The following OGDH variants were observed in gnomAD, a reference collection of about 807,000 sequenced individuals.
The protein encoded by OGDH is oxoglutarate dehydrogenase.
Under a neutral mutation model 116.6 loss-of-function variants are expected in OGDH, and 38 were observed. The ratio of observed to expected loss-of-function variants is 0.33; its 90% CI spans 0.25 to 0.43. The LOEUF (loss-of-function observed/expected upper bound fraction) is 0.43. Among genes scored for constraint, OGDH ranks in the 20% least tolerant of loss-of-function variants. The probability of loss-of-function intolerance (pLI) is 1.00; values close to 1 mark genes in which losing one functional copy is unlikely to be tolerated. For synonymous variants in OGDH, 488 were observed against 533.3 expected, an observed-to-expected ratio of 0.92 and a Z score of 1.17; for missense variants, 825 against 1,357.2, an observed-to-expected ratio of 0.61 and a Z score of 6.16.
At chr7:44,677,245 GT>G (rs1279097834) in intron 9 of OGDH, among the ~76,000 whole-genome samples, 86 of 152,108 alleles carry the variant, frequency 5.7e-4, no homozygotes, top group Admixed American at 5.6e-3. Flanking sequence ...AGAGCCTCCT[GT>G]TCTTTTTAGA....
intron 3 of OGDH, among the ~76,000 whole-genome samples, chr7:44,645,855 C>T (rs973872809): frequency 6.6e-6 from 1 of 152,144 alleles, no homozygotes; most frequent in Non-Finnish European, 1.5e-5. Context: ...TGCCAGTGAG[C>T]AGTGACTGGG....
chr7:44,667,794 A>C (rs1201282954), intron 5 of OGDH, among the ~76,000 whole-genome samples: 1 of 152,200 alleles, frequency 6.6e-6, no homozygotes, highest in Non-Finnish European at 1.5e-5. Context: ...TCAGAGCTAA[A>C]GGATCGAGGT....
intron 2 of OGDH, among the ~76,000 whole-genome samples, chr7:44,642,934 A>AT (rs1562634058): frequency 1.1e-3 from 161 of 151,770 alleles, no homozygotes; most frequent in African/African-American, 3.6e-3. Flanking sequence ...AAAAAAAAAA[A>AT]ATTTTTAAAT....
intron 1 of OGDH, among the ~76,000 whole-genome samples, chr7:44,609,176 C>T (rs1488156102): frequency 1.3e-5 from 2 of 151,848 alleles, no homozygotes; most frequent in Admixed American, 6.6e-5. Flanking sequence ...AGCTTAATTC[C>T]CTGGAGAATC....
intron 5 of OGDH, among the ~76,000 whole-genome samples, chr7:44,669,150 T>TTTTTTTTTTTTTTTTTTTTC (rs1787317996): frequency 7.3e-6 from 1 of 136,186 alleles, no homozygotes; most frequent in Non-Finnish European, 1.5e-5. Context: ...GGCAGCTTTT[T>TTTTTTTTTTTTTTTTTTTTC]TTTTTTTTTT....
rs937687146 is a variant in OGDH at position 44,697,314 on chromosome 7, C to A, written c.2052-56C>A. On this transcript the variant is annotated intron_variant, in intron 15 of 22. Coordinates refer to ENST00000222673, the MANE Select transcript of OGDH (RefSeq NM_002541.4). The surrounding 1 kb of genome is among the most constrained non-coding windows in gnomAD (Gnocchi z 6.0). ...GCTGGTGCTTCGTGCGGGTCCCCAG[C>A]GTATTTGCTTGTCAAGTCAGAGCTC... 1 of 1,607,490 alleles carries A rather than the reference C, an allele frequency of 6.2e-7. No homozygotes were observed. The highest frequency in any genetic ancestry group is 2.2e-5 in the East Asian group (1 of 44,760).
At position 44,707,727 on chromosome 7, in the gene OGDH, A is replaced by T; in HGVS notation, c.2942A>T (p.Lys981Met). The T allele has an allele frequency of 6.2e-7, 1 of 1,614,130 alleles. No homozygotes were observed. The highest frequency in any genetic ancestry group is 1.3e-5 in the African/African-American group (1 of 75,034). ...PRLRTTISRA[K>M]PVWYAGRDPA... ...CTTCGGACCACCATCAGCCGCGCCAAGCCCGTCTGGTAAGGCTTCAGTCCC... is the reference window on the plus strand; with the variant it reads ...CTTCGGACCACCATCAGCCGCGCCATGCCCGTCTGGTAAGGCTTCAGTCCC... The change falls in exon 22 of 23, where the codon AAG (lysine) becomes ATG (methionine). Residue 981 changes from lysine (K) to methionine (M), a missense_variant. Coordinates refer to ENST00000222673, the MANE Select transcript of OGDH (RefSeq NM_002541.4). The surrounding 1 kb of genome is among the most constrained non-coding windows in gnomAD (Gnocchi z 5.2).
intron 1 of OGDH, among the ~76,000 whole-genome samples, chr7:44,621,891 T>G (rs1421027562): frequency 6.6e-6 from 1 of 151,768 alleles, no homozygotes; most frequent in African/African-American, 2.4e-5. Context: ...AATCTCCAGC[T>G]GTTGTGGCAG....
chr7:44,675,146 C>G (rs1161116691), intron 7 of OGDH, 32 bp from the exon 8 acceptor site: 1 of 1,578,244 alleles, frequency 6.3e-7, no homozygotes, highest in Non-Finnish European at 8.7e-7. Context: ...TGACCTCAGG[C>G]TCTGCTCACC....
chr7:44,682,600 C>G (rs890140074), intron 10 of OGDH, among the ~76,000 whole-genome samples: 1 of 151,866 alleles, frequency 6.6e-6, no homozygotes, highest in Non-Finnish European at 1.5e-5. Context: ...GAGGCTGAGG[C>G]ACAAGAATCA....
At chr7:44,666,698 C>G (rs1019040191) in intron 4 of OGDH, 38 bp from the exon 5 acceptor site, 3 of 1,278,238 alleles carry the variant, frequency 2.3e-6, no homozygotes, top group Non-Finnish European at 3.3e-6. Context: ...TGCCCCATCC[C>G]TCCTCATCTG....
Position 44,696,478 on chromosome 7 carries a change from G to A in OGDH, c.1821G>A (p.Thr607=), listed in dbSNP as rs777815126. 13 of 1,614,082 alleles carry A rather than the reference G, an allele frequency of 8.1e-6. No homozygotes were observed. Among genetic ancestry groups the A allele is most frequent in the South Asian group, 1.1e-5 (1 of 91,088 alleles). ...CCAGGAGCATGTCCTGCCCCTCCAC[G>A]GGTCTGACGGAGGATATTCTGACAC... ...GQPRSMSCPS[T]GLTEDILTHI... Residue 607 remains threonine, a synonymous_variant, in exon 14 of 23, where the codon ACG becomes ACA. Coordinates refer to ENST00000222673, the MANE Select transcript of OGDH (RefSeq NM_002541.4).
chr7:44,651,023 C>G (rs1057390614), intron 4 of OGDH, among the ~76,000 whole-genome samples: 3 of 152,232 alleles, frequency 2.0e-5, no homozygotes, highest in Non-Finnish European at 4.4e-5. Context: ...GCCTTTGGTG[C>G]TTCCGTCAGA....
intron 2 of OGDH, among the ~76,000 whole-genome samples, chr7:44,626,359 A>G (rs867247822): frequency 7.3e-6 from 1 of 136,090 alleles, no homozygotes; most frequent in South Asian, 2.4e-4. Context: ...ACACACACAC[A>G]CCCCTACACC....
chr7:44,647,965 C>T (rs975715077), intron 4 of OGDH, among the ~76,000 whole-genome samples: 1 of 152,226 alleles, frequency 6.6e-6, no homozygotes, highest in Non-Finnish European at 1.5e-5. Flanking sequence ...TCTTAAGTCT[C>T]AAAATTTGAA....
intron 20 of OGDH, among the ~76,000 whole-genome samples, chr7:44,702,609 T>A (rs1002203545): frequency 1.3e-5 from 2 of 150,460 alleles, no homozygotes; most frequent in Non-Finnish European, 2.9e-5. Flanking sequence ...TTATTTATTT[T>A]TGAGACGGAG....
At chr7:44,687,375 G>A (rs533614967) in intron 10 of OGDH, among the ~76,000 whole-genome samples, 180 of 151,556 alleles carry the variant, frequency 1.2e-3, no homozygotes, top group Non-Finnish European at 2.1e-3. Context: ...TGGGATTACA[G>A]GCATGAGCCA....
At chr7:44,622,173 G>GA (rs370024022) in intron 1 of OGDH, among the ~76,000 whole-genome samples, 8 of 151,508 alleles carry the variant, frequency 5.3e-5, no homozygotes, top group Middle Eastern at 6.8e-3. Flanking sequence ...GACATTAAAG[G>GA]AAAAAAATGA....
chr7:44,680,979 TAAAC>T (rs1385825531), intron 9 of OGDH, among the ~76,000 whole-genome samples: 6 of 151,982 alleles, frequency 3.9e-5, no homozygotes, highest in Non-Finnish European at 5.9e-5. Flanking sequence ...CACGAGTAAA[TAAAC>T]AAGGGAGAAG....
Sources: allele counts gnomAD v4.1 joint callset (sites outside exome capture counted in the v4.1 genomes callset), GRCh38; gene constraint gnomAD v4.1.1; non-coding constraint Gnocchi (gnomAD v3.1); transcripts MANE v1.5; gene names NCBI Gene and HGNC (gene_info 2026-07-23, HGNC 2026-07-21).